MX2: variants seen among roughly 807,000 people sequenced by gnomAD.
The protein encoded by MX2 is MX dynamin like GTPase 2, also known as interferon-induced GTP-binding protein Mx2.
Under a neutral mutation model 74.0 loss-of-function variants are expected in MX2, and 51 were observed. The observed-to-expected ratio is 0.69, with a 90% CI of 0.55 to 0.87. MX2 has a LOEUF of 0.87. Among genes scored for constraint, MX2 ranks in the 40% least tolerant of loss-of-function variants. The probability of loss-of-function intolerance (pLI) is 0.00; values close to 1 mark genes in which losing one functional copy is unlikely to be tolerated. For synonymous variants in MX2, 369 were observed against 339.3 expected (o/e 1.09, Z -0.96); for missense variants, 832 against 908.7 (o/e 0.92, Z 1.09).
At chr21:41,406,053 A>G (rs761546079) in intron 12 of MX2, among the ~76,000 whole-genome samples, 2 of 151,292 alleles carry the variant, frequency 1.3e-5, no homozygotes, top group Non-Finnish European at 1.5e-5. Context: ...GTGCAATGGC[A>G]TGATAGCTCA....
intron 10 of MX2, chr21:41,401,756 A>G (rs552441158): frequency 3.1e-5 from 15 of 491,078 alleles, no homozygotes; most frequent in African/African-American, 2.2e-4. Context: ...ATTGAAACAC[A>G]TTTTCATAGA....
At chr21:41,387,136 G>A (rs2089590138) in intron 5 of MX2, among the ~76,000 whole-genome samples, 1 of 152,066 alleles carries the variant, frequency 6.6e-6, no homozygotes, top group South Asian at 2.1e-4. Flanking sequence ...ATTCTTCATT[G>A]TCTTTGATTT....
chr21:41,379,964 A>G (rs1198757320), intron 3 of MX2, 53 bp from the exon 4 acceptor site: 16 of 1,602,810 alleles, frequency 1.0e-5, no homozygotes, highest in African/African-American at 2.7e-5. Flanking sequence ...CGAAGGGCCC[A>G]GTGCCACTTC....
chr21:41,362,907 C>T (rs2089229030), intron 1 of MX2, among the ~76,000 whole-genome samples: 1 of 151,252 alleles, frequency 6.6e-6, no homozygotes, highest in African/African-American at 2.4e-5. Flanking sequence ...TACAGGTGTG[C>T]ACCACCACAC....
chr21:41,397,045 T>G (rs395834), intron 7 of MX2, among the ~76,000 whole-genome samples: 138,550 of 152,196 alleles, frequency 0.91, 63,158 homozygotes, highest in East Asian at 0.97. Flanking sequence ...CTGGGAGCCG[T>G]CCCTTGCAGT....
intron 1 of MX2, among the ~76,000 whole-genome samples, chr21:41,372,549 A>T (rs915471192): frequency 2.0e-5 from 3 of 152,198 alleles, no homozygotes; most frequent in African/African-American, 7.2e-5. Context: ...ACATGAAGTC[A>T]GTAAGGACAT....
intron 10 of MX2, among the ~76,000 whole-genome samples, chr21:41,400,464 T>C (rs1312228061): frequency 6.6e-6 from 1 of 152,212 alleles, no homozygotes; most frequent in East Asian, 1.9e-4. Flanking sequence ...GATTCCCATG[T>C]GCTCCAGCCC....
At position 41,382,393 on chromosome 21, in the gene MX2, C is replaced by T. The variant is rs1000977471; in HGVS notation, c.578-17C>T. ...ATTAATGAGGGCTCTGGGTTTCTCC[C>T]CTCCTGGCCTCCATAGCCCAGAACG... On this transcript the variant is annotated splice_polypyrimidine_tract_variant and intron_variant, in intron 4 of 13. Coordinates refer to ENST00000330714, the MANE Select transcript of MX2 (RefSeq NM_002463.2). The T allele has an allele frequency of 1.2e-6, 2 of 1,611,702 alleles. No homozygotes were observed. Among genetic ancestry groups the T allele is most frequent in the Non-Finnish European group, 8.5e-7 (1 of 1,178,554 alleles).
intron 5 of MX2, among the ~76,000 whole-genome samples, chr21:41,386,863 C>T (rs2089585299): frequency 6.6e-6 from 1 of 152,200 alleles, no homozygotes; most frequent in Admixed American, 6.5e-5. Context: ...GGAGAGAATA[C>T]AGTCACAGGT....
intron 6 of MX2, among the ~76,000 whole-genome samples, chr21:41,391,573 G>A (rs1200315582): frequency 2.6e-5 from 4 of 151,842 alleles, no homozygotes; most frequent in Admixed American, 2.6e-4. Context: ...GTAGAGACGG[G>A]GTTTCACTGT....
chr21:41,367,318 T>A (rs567265214), intron 1 of MX2: 14 of 147,072 alleles, frequency 9.5e-5, no homozygotes, highest in Admixed American at 8.1e-4. Context: ...TTGAGTGAAA[T>A]TTTTTTTTTT....
Position 41,376,931 on chromosome 21 carries a change from C to T in MX2, c.25C>T (p.Pro9Ser). The change falls in exon 2 of 14, where the codon CCC becomes TCC. Residue 9 changes from proline to serine, a missense_variant. By Grantham distance (74) the Pro-to-Ser change is moderately conservative. Coordinates refer to ENST00000330714, the MANE Select transcript of MX2 (RefSeq NM_002463.2). ...CATGTCTAAGGCCCACAAGCCTTGG[C>T]CCTACCGGAGGAGAAGTCAATTTTC... Reference protein sequence around the residue: MSKAHKPWPYRRRSQFSSR... With the variant: MSKAHKPWSYRRRSQFSSR... 3 of 1,613,948 alleles carry T rather than the reference C, an allele frequency of 1.9e-6. No homozygotes were observed. The highest frequency in any genetic ancestry group is 1.1e-5 in the South Asian group (1 of 91,082).
intron 1 of MX2, among the ~76,000 whole-genome samples, chr21:41,372,249 AATATGCATTGCATGTAAAACTT>A (rs1322947346): frequency 6.6e-6 from 1 of 152,220 alleles, no homozygotes; most frequent in Non-Finnish European, 1.5e-5. Flanking sequence ...TTTCCTGACC[AATATGCATTGCATGTAAAACTT>A]AATTTACCTT....
chr21:41,367,382 G>A (rs776349716), intron 1 of MX2: 5 of 151,914 alleles, frequency 3.3e-5, no homozygotes, highest in African/African-American at 9.7e-5. Flanking sequence ...ACTCCTGGGA[G>A]GCAGGCAGGA....
chr21:41,373,371 G>T (rs1464447252), intron 1 of MX2, among the ~76,000 whole-genome samples: 1 of 152,146 alleles, frequency 6.6e-6, no homozygotes, highest in Non-Finnish European at 1.5e-5. Flanking sequence ...ATGTGACTTT[G>T]GGTGAGCCAC....
Position 41,390,545 on chromosome 21 carries a change from G to T in MX2, c.733-20G>T, listed in dbSNP as rs770255631. ...GAAGTGAGACGTGTGCTCTTTCTTTGTGCGATTCTTTGGCATCAGATCAAG... is the reference window on the plus strand; with the variant it reads ...GAAGTGAGACGTGTGCTCTTTCTTTTTGCGATTCTTTGGCATCAGATCAAG... On this transcript the variant is annotated intron_variant, in intron 5 of 13. Coordinates refer to ENST00000330714, the MANE Select transcript of MX2 (RefSeq NM_002463.2). 6.2e-7 allele frequency: 1 copy of T among 1,613,814 alleles called. No homozygotes were observed. Among genetic ancestry groups the T allele is most frequent in the Non-Finnish European group, 8.5e-7 (1 of 1,179,776 alleles).
At chr21:41,362,750 CTTTTTT>C (rs56903696) in intron 1 of MX2, among the ~76,000 whole-genome samples, 41 of 82,154 alleles carry the variant, frequency 5.0e-4, no homozygotes, top group African/African-American at 1.8e-3. Flanking sequence ...GTTTTTTTTT[CTTTTTT>C]TTTTTTTTTT....
chr21:41,397,084 T>A (rs999789029), intron 7 of MX2, among the ~76,000 whole-genome samples: 1 of 152,214 alleles, frequency 6.6e-6, no homozygotes, highest in East Asian at 1.9e-4. Context: ...TGGGGAATAA[T>A]CCTGTGTGCT....
At chr21:41,371,523 G>A (rs2089324620) in intron 1 of MX2, among the ~76,000 whole-genome samples, 1 of 152,138 alleles carries the variant, frequency 6.6e-6, no homozygotes, top group South Asian at 2.1e-4. Flanking sequence ...TTTCCTTTGG[G>A]CACGAGACTT....
Sources: gnomAD v4.1 joint callset for allele counts (sites outside exome capture counted in the v4.1 genomes callset) on GRCh38, gnomAD v4.1.1 for gene constraint, MANE v1.5 for transcripts, NCBI Gene and HGNC (gene_info 2026-07-23, HGNC 2026-07-21) for gene names.